The following RYR2 variants were observed in gnomAD, a reference collection of about 807,000 sequenced individuals.
RYR2 encodes ryanodine receptor 2, also known as cardiac muscle ryanodine receptor-calcium release channel.
A neutral mutation model predicts 601.1 loss-of-function variants in RYR2; 227 were observed. The observed-to-expected ratio is 0.38, with a 90% CI of 0.34 to 0.42. The LOEUF (loss-of-function observed/expected upper bound fraction) is 0.42. Ranked by LOEUF, RYR2 falls within the 10% of genes least tolerant of loss-of-function variation. RYR2 has a pLI of 1.00. For missense variants in RYR2, 4,646 were observed against 6,156.5 expected (o/e 0.75, Z 8.21); for synonymous variants, 2,223 against 2,175.1 (o/e 1.02, Z -0.61).
intron 29 of RYR2, among the ~76,000 whole-genome samples, chr1:237,583,211 C>T (rs965575791): frequency 6.6e-6 from 1 of 151,992 alleles, no homozygotes; most frequent in Non-Finnish European, 1.5e-5. Flanking sequence ...TTGTTGGCTG[C>T]TTGTATGTCT....
chr1:237,734,543 G>A (rs1293347252), intron 79 of RYR2, among the ~76,000 whole-genome samples: 4 of 152,196 alleles, frequency 2.6e-5, no homozygotes, highest in South Asian at 4.1e-4. Flanking sequence ...TAGTAGTGAG[G>A]TCTGCTTAAG....
chr1:237,531,116 T>A (rs1020204599), intron 25 of RYR2, among the ~76,000 whole-genome samples: 2 of 152,194 alleles, frequency 1.3e-5, no homozygotes, highest in Non-Finnish European at 2.9e-5. Flanking sequence ...TTCTAAATGA[T>A]TACATATAGC....
intron 87 of RYR2, 39 bp downstream of exon 87, chr1:237,773,687 C>T: frequency 6.3e-7 from 1 of 1,576,794 alleles, no homozygotes; most frequent in Non-Finnish European, 8.7e-7. Flanking sequence ...TAGCACTGAA[C>T]TCCATAGAAA....
chr1:237,743,703 T>G (rs1573767731), intron 80 of RYR2: 2 of 472,992 alleles, frequency 4.2e-6, no homozygotes, highest in East Asian at 1.2e-4. Context: ...AGACCCAACA[T>G]CTTGGATTCT....
chr1:237,752,750 T>G (rs1242750920), intron 80 of RYR2, among the ~76,000 whole-genome samples: 3 of 152,204 alleles, frequency 2.0e-5, no homozygotes, highest in African/African-American at 7.2e-5. Flanking sequence ...TCTTCTATTT[T>G]TCTGTCTTTT....
At chr1:237,407,817 C>T (rs968671460) in intron 10 of RYR2, among the ~76,000 whole-genome samples, 2 of 151,856 alleles carry the variant, frequency 1.3e-5, no homozygotes, top group African/African-American at 4.8e-5. Flanking sequence ...GGGGTTTCAC[C>T]GTGTTAGCCA....
At chr1:237,149,143 C>T (rs113108516) in intron 1 of RYR2, among the ~76,000 whole-genome samples, 1 of 152,064 alleles carries the variant, frequency 6.6e-6, no homozygotes, top group Non-Finnish European at 1.5e-5. Context: ...TTGATACCAA[C>T]CATGATAGAG....
At chr1:237,476,576 C>T (rs1406653512) in intron 17 of RYR2, among the ~76,000 whole-genome samples, 2 of 145,160 alleles carry the variant, frequency 1.4e-5, no homozygotes, top group Non-Finnish European at 3.0e-5. Flanking sequence ...GATATCAAAG[C>T]TTCATGCTCA....
chr1:237,150,179 A>T (rs774977590), intron 1 of RYR2, among the ~76,000 whole-genome samples: 10 of 152,236 alleles, frequency 6.6e-5, no homozygotes, highest in Non-Finnish European at 1.5e-5. Flanking sequence ...TCGCAAGGAC[A>T]TGCAAGTGTA....
rs1014288676 is a variant in RYR2, at chr1:237,707,406, C to T, written c.9901+137C>T. The T allele has an allele frequency of 1.2e-5, 6 of 509,198 alleles. No individual in the cohort carries two copies. The East Asian group carries it at 1.8e-4, about 15-fold the overall frequency. The allele number at this position is 509,198 out of a possible 1,614,324, so 31.5% of individuals were successfully genotyped here. ...CTCAAAAATATTAGTATTTGTCATG[C>T]TATTTTTTAATGTAGATAAAAACAG... On this transcript the variant is annotated intron_variant, in intron 68 of 104. Transcript: ENST00000366574.
At chr1:237,294,021 A>G (rs1692503297) in intron 2 of RYR2, among the ~76,000 whole-genome samples, 1 of 152,316 alleles carries the variant, frequency 6.6e-6, no homozygotes, top group South Asian at 2.1e-4. Context: ...AGGCTATCCA[A>G]GAGCCTACCA....
At position 237,481,108 on chromosome 1, in the gene RYR2, A is replaced by ATGTG. The variant is rs1553467420; in HGVS notation, c.1709-10697_1709-10696insGTGT. Among the ~76,000 whole-genome samples the ATGTG allele has an allele frequency of 8.7e-4, 50 of 57,222 alleles. No homozygotes were observed. The African/African-American group carries it at 0.019, about 21-fold the overall frequency. The allele number at this position is 57,222 out of a possible 152,430, so 37.5% of individuals were successfully genotyped here. On this transcript the variant is annotated intron_variant, in intron 17 of 104. Coordinates refer to ENST00000366574, the MANE Select transcript of RYR2 (RefSeq NM_001035.3). ...TTGTTATTTTTAAGTGTATATATAC[A>ATGTG]TATATATATATATATATACACACAC...
intron 40 of RYR2, 40 bp from the exon 41 acceptor site, chr1:237,627,767 C>T: frequency 6.6e-7 from 1 of 1,519,326 alleles, no homozygotes; most frequent in Non-Finnish European, 8.9e-7. Context: ...TTTGTCTTCT[C>T]TTATTTTTCT....
At chr1:237,140,935 G>C (rs1358722874) in intron 1 of RYR2, among the ~76,000 whole-genome samples, 1 of 152,190 alleles carries the variant, frequency 6.6e-6, no homozygotes, top group African/African-American at 2.4e-5. Context: ...TGCATCTGCT[G>C]TGTTATAGTC....
At chr1:237,416,759 C>CAGAGAGAGAGAGAGAGAGAGAG (rs5781955) in intron 10 of RYR2, among the ~76,000 whole-genome samples, 49 of 139,010 alleles carry the variant, frequency 3.5e-4, no homozygotes, top group African/African-American at 1.3e-3. Flanking sequence ...AACACACACA[C>CAGAGAGAGAGAGAGAGAGAGAG]ACACAGAGAG....
At chr1:237,555,649 G>A (rs1261239943) in intron 27 of RYR2, among the ~76,000 whole-genome samples, 3 of 152,092 alleles carry the variant, frequency 2.0e-5, no homozygotes, top group African/African-American at 4.8e-5. Flanking sequence ...ACATTTAGAA[G>A]GAACTCTGAC....
rs1433987230 is a variant in RYR2, at chr1:237,788,036, A to G, written c.13377A>G (p.Lys4459=). ...KEEKAKEDKG[K]QKLRQLHTHR... is the part of the protein sequence containing the mutation. Reference sequence around the variant, plus strand: ...AGAAAGCCAAGGAAGACAAGGGCAAACAAAAGTTGAGGCAGCTTCACACAC... The same window carrying G: ...AGAAAGCCAAGGAAGACAAGGGCAAGCAAAAGTTGAGGCAGCTTCACACAC... Residue 4459 remains lysine (K), a synonymous_variant, in exon 92 of 105, where the codon AAA becomes AAG. Transcript: ENST00000366574. 6.2e-7 allele frequency: 1 copy of G among 1,608,794 alleles called. No homozygotes were observed. The highest frequency in any genetic ancestry group is 2.2e-5 in the East Asian group (1 of 44,798).
intron 1 of RYR2, among the ~76,000 whole-genome samples, chr1:237,244,554 T>C (rs1348874865): frequency 6.6e-6 from 1 of 152,170 alleles, no homozygotes; most frequent in African/African-American, 2.4e-5. Flanking sequence ...AGGTCACTCC[T>C]GATGGAACCA....
intron 24 of RYR2, among the ~76,000 whole-genome samples, chr1:237,512,183 A>G (rs1168952341): frequency 1.3e-5 from 2 of 152,204 alleles, no homozygotes; most frequent in African/African-American, 2.4e-5. Context: ...ATAAACTTCT[A>G]TACCAATTTA....
Sources: gnomAD v4.1 joint callset for allele counts (sites outside exome capture counted in the v4.1 genomes callset) on GRCh38, gnomAD v4.1.1 for gene constraint, MANE v1.5 for transcripts, NCBI Gene and HGNC (gene_info 2026-07-23, HGNC 2026-07-21) for gene names.